The following B3GALT1 variants were observed in gnomAD, a reference collection of about 807,000 sequenced individuals.
B3GALT1 encodes the protein UDP-Gal:betaGlcNAc beta 1,3-galactosyltransferase, polypeptide 1.
Under a neutral mutation model 23.2 loss-of-function variants are expected in B3GALT1, and 10 were observed. The ratio of observed to expected loss-of-function variants is 0.43; its 90% CI spans 0.27 to 0.73. The LOEUF (loss-of-function observed/expected upper bound fraction) is 0.73. Ranked by LOEUF, B3GALT1 falls within the 30% of genes least tolerant of loss-of-function variation. The pLI is 0.21. For synonymous variants in B3GALT1, 156 were observed against 141.5 expected, an observed-to-expected ratio of 1.10 and a Z score of -0.73; for missense variants, 299 against 405.4, an observed-to-expected ratio of 0.74 and a Z score of 2.25.
intron 3 of B3GALT1, among the ~76,000 whole-genome samples, chr2:167,735,420 G>C (rs17582269): frequency 0.14 from 21,952 of 152,220 alleles, 1,815 homozygotes; most frequent in Non-Finnish European, 0.19. Flanking sequence ...ACATCTCAAT[G>C]GGCCAACCAC....
intron 2 of B3GALT1, among the ~76,000 whole-genome samples, chr2:167,502,336 C>A (rs1208335235): frequency 2.0e-5 from 3 of 152,104 alleles, no homozygotes; most frequent in East Asian, 1.9e-4. Context: ...AGAAAAGCAA[C>A]CACAATATTC....
intron 1 of B3GALT1, among the ~76,000 whole-genome samples, chr2:167,398,720 C>T (rs1698139501): frequency 6.6e-6 from 1 of 152,144 alleles, no homozygotes; most frequent in Non-Finnish European, 1.5e-5. Context: ...CTCAGAGTAT[C>T]ATTCACTGAA....
At chr2:167,668,837 C>T (rs990273671) in intron 3 of B3GALT1, among the ~76,000 whole-genome samples, 19 of 152,344 alleles carry the variant, frequency 1.2e-4, no homozygotes, top group African/African-American at 2.2e-4. Context: ...CACTGACCTG[C>T]GCCCACTGTC....
At chr2:167,486,902 G>C (rs1699635383) in intron 1 of B3GALT1, among the ~76,000 whole-genome samples, 1 of 152,078 alleles carries the variant, frequency 6.6e-6, no homozygotes, top group South Asian at 2.1e-4. Flanking sequence ...AAAATGTTCT[G>C]TTATGTTAAC....
chr2:167,354,028 G>C (rs939319991), intron 1 of B3GALT1, among the ~76,000 whole-genome samples: 1 of 152,074 alleles, frequency 6.6e-6, no homozygotes, highest in East Asian at 1.9e-4. Flanking sequence ...GTTCTGTAAA[G>C]ATGCTACCAT....
chr2:167,761,506 T>A (rs1345108457), intron 3 of B3GALT1, among the ~76,000 whole-genome samples: 2 of 152,210 alleles, frequency 1.3e-5, no homozygotes, highest in Non-Finnish European at 2.9e-5. Flanking sequence ...TTGGCAATAC[T>A]ATAAATCAAG....
intron 3 of B3GALT1, among the ~76,000 whole-genome samples, chr2:167,804,800 T>C (rs1259157914): frequency 7.0e-6 from 1 of 142,356 alleles, no homozygotes; most frequent in Non-Finnish European, 1.5e-5. Context: ...TGTGCATGTG[T>C]CTTTATAGCA....
chr2:167,714,260 C>A, intron 3 of B3GALT1: 2 of 1,501,770 alleles, frequency 1.3e-6, no homozygotes, highest in Admixed American at 3.4e-5. Flanking sequence ...CATCATCCTA[C>A]GGTCCTGTTC....
At chr2:167,439,881 C>G (rs1698851631) in intron 1 of B3GALT1, among the ~76,000 whole-genome samples, 1 of 151,484 alleles carries the variant, frequency 6.6e-6, no homozygotes, top group Non-Finnish European at 1.5e-5. Context: ...TTTCCATTAT[C>G]CCTCTTTCAT....
chr2:167,350,299 C>G (rs1314909063), intron 1 of B3GALT1, among the ~76,000 whole-genome samples: 1 of 152,184 alleles, frequency 6.6e-6, no homozygotes, highest in African/African-American at 2.4e-5. Context: ...CCTGCCTACC[C>G]TGTGTGTTAC....
chr2:167,720,513 C>T (rs755356098), intron 3 of B3GALT1, among the ~76,000 whole-genome samples: 15 of 152,134 alleles, frequency 9.9e-5, no homozygotes, highest in Non-Finnish European at 2.1e-4. Flanking sequence ...ACACAACTTG[C>T]AAGATCCATG....
chr2:167,755,224 T>A lies in B3GALT1; in HGVS notation c.-351-63448T>A, dbSNP rs1278074488. Among the ~76,000 whole-genome samples, 5 of 152,010 alleles carry A rather than the reference T, an allele frequency of 3.3e-5. No individual in the cohort carries two copies. The East Asian group carries it at 9.7e-4, about 29-fold the overall frequency. On this transcript the variant is annotated intron_variant, in intron 3 of 4. Coordinates refer to ENST00000392690, the MANE Select transcript of B3GALT1 (RefSeq NM_020981.4). ...AATCCATAACATAGCTAAAGTAGGA[T>A]ACGGATTAAAATACCCAGATGAATG...
intron 1 of B3GALT1, among the ~76,000 whole-genome samples, chr2:167,392,444 C>G (rs1478470015): frequency 1.3e-5 from 2 of 151,982 alleles, no homozygotes; most frequent in Non-Finnish European, 2.9e-5. Flanking sequence ...TAAAACTGCT[C>G]CAAGTAATTT....
intron 3 of B3GALT1, among the ~76,000 whole-genome samples, chr2:167,741,033 GGAAAAGT>G (rs1286717712): frequency 5.9e-5 from 9 of 152,150 alleles, no homozygotes; most frequent in Admixed American, 5.9e-4. Flanking sequence ...AACAGAAATT[GGAAAAGT>G]AGCTTCCTTG....
chr2:167,610,963 C>G (rs561223487), intron 2 of B3GALT1, among the ~76,000 whole-genome samples: 1 of 145,442 alleles, frequency 6.9e-6, no homozygotes, highest in South Asian at 2.2e-4. Context: ...ACAAGAACAC[C>G]TGGACACAAA....
At chr2:167,295,050 A>G (rs1039487519) in intron 1 of B3GALT1, among the ~76,000 whole-genome samples, 4 of 152,176 alleles carry the variant, frequency 2.6e-5, no homozygotes, top group African/African-American at 9.7e-5. Context: ...TAAAGATTCT[A>G]TTTTCTCCCA....
chr2:167,652,491 A>G (rs1685885235), intron 3 of B3GALT1, among the ~76,000 whole-genome samples: 1 of 152,194 alleles, frequency 6.6e-6, no homozygotes, highest in South Asian at 2.1e-4. Flanking sequence ...AATAGCAGCT[A>G]CTTTTATTCT....
chr2:167,698,141 A>G (rs1483238201), intron 3 of B3GALT1, among the ~76,000 whole-genome samples: 1 of 151,532 alleles, frequency 6.6e-6, no homozygotes, highest in Non-Finnish European at 1.5e-5. Context: ...AGTTAACATC[A>G]CTTAACCGCA....
Position 167,872,553 on chromosome 2 carries a change from C to CT in B3GALT1, c.*2534dup, listed in dbSNP as rs1309085612. On this transcript the variant is annotated 3_prime_UTR_variant, in exon 5 of 5. Transcript: ENST00000392690. Reference sequence around the variant, plus strand: ...CTTGGTTTACCTTCGAGTTGTGCAGCTGAATCAAGCCTCTGTCTCATACTA... The same window carrying CT: ...CTTGGTTTACCTTCGAGTTGTGCAGCTTGAATCAAGCCTCTGTCTCATACTA... 1 of 152,298 alleles carries CT rather than the reference C, an allele frequency of 6.6e-6. No individual in the cohort carries two copies. Among genetic ancestry groups the CT allele is most frequent in the Non-Finnish European group, 1.5e-5 (1 of 68,028 alleles). The allele number at this position is 152,298 out of a possible 1,614,324, so 9.4% of individuals were successfully genotyped here.
Sources: gnomAD v4.1 joint callset for allele counts (sites outside exome capture counted in the v4.1 genomes callset) on GRCh38, gnomAD v4.1.1 for gene constraint, MANE v1.5 for transcripts, NCBI Gene and HGNC (gene_info 2026-07-23, HGNC 2026-07-21) for gene names.